The following ZNF385B variants were observed in gnomAD, a reference collection of about 807,000 sequenced individuals.
ZNF385B encodes zinc finger protein 533.
A neutral mutation model predicts 39.2 loss-of-function variants in ZNF385B; 23 were observed. The ratio of observed to expected loss-of-function variants is 0.59; its 90% confidence interval spans 0.42 to 0.83. The LOEUF (loss-of-function observed/expected upper bound fraction) is 0.83, where lower values mean the gene tolerates loss of function less well. ZNF385B is among the 40% of genes least tolerant of loss of function. The pLI, the probability that ZNF385B is intolerant of heterozygous loss-of-function variation, is 0.00. For synonymous variants in ZNF385B, 205 were observed against 222.6 expected, an observed-to-expected ratio of 0.92 and a Z score of 0.70; for missense variants, 552 against 598.9, an observed-to-expected ratio of 0.92 and a Z score of 0.82.
intron 3 of ZNF385B, among the ~76,000 whole-genome samples, chr2:179,734,679 A>G (rs76071253): frequency 3.4e-3 from 517 of 152,342 alleles, no homozygotes; most frequent in South Asian, 7.7e-3. Flanking sequence ...GACTCAAGAC[A>G]TAGACCCTAT....
chr2:179,493,845 AAGG>A lies in ZNF385B; in HGVS notation c.553-10414_553-10412del, dbSNP rs1212978081. Reference sequence around the variant, plus strand: ...TAGCAGAGGGAGAAAAACATTCTAAAAGGAGGAATGTAACACTAAGGGTCCATC... The same window carrying A: ...TAGCAGAGGGAGAAAAACATTCTAAAAGGAATGTAACACTAAGGGTCCATC... On this transcript the variant is annotated intron_variant, in intron 5 of 9. Coordinates refer to ENST00000410066, the MANE Select transcript of ZNF385B (RefSeq NM_152520.6). 1.8e-4 allele frequency among the ~76,000 whole-genome samples: 27 copies of A among 148,270 alleles called. 1 individual carries two copies. Among genetic ancestry groups the A allele is most frequent in the African/African-American group, 6.6e-4 (27 of 40,744 alleles).
At chr2:179,756,863 T>C (rs1017704707) in intron 3 of ZNF385B, among the ~76,000 whole-genome samples, 1 of 152,170 alleles carries the variant, frequency 6.6e-6, no homozygotes, top group African/African-American at 2.4e-5. Flanking sequence ...TAGCCATTTG[T>C]GTAATCTTTT....
intron 3 of ZNF385B, among the ~76,000 whole-genome samples, chr2:179,702,624 G>T (rs2106367421): frequency 6.6e-6 from 1 of 152,230 alleles, no homozygotes; most frequent in African/African-American, 2.4e-5. Flanking sequence ...AATGAGACTG[G>T]TTCCTGTAAG....
At chr2:179,834,515 T>C (rs1443405889) in intron 1 of ZNF385B, among the ~76,000 whole-genome samples, 1 of 152,166 alleles carries the variant, frequency 6.6e-6, no homozygotes, top group Admixed American at 6.5e-5. Flanking sequence ...ACTGAGTCCA[T>C]ACTGATATTT....
At chr2:179,855,899 T>G (rs1048378873) in intron 1 of ZNF385B, among the ~76,000 whole-genome samples, 3 of 152,208 alleles carry the variant, frequency 2.0e-5, no homozygotes, top group Non-Finnish European at 1.5e-5. Flanking sequence ...CCAAGGAAGT[T>G]AAGTAACCCC....
At chr2:179,578,392 G>A (rs367893556) in intron 3 of ZNF385B, among the ~76,000 whole-genome samples, 2 of 152,216 alleles carry the variant, frequency 1.3e-5, no homozygotes, top group East Asian at 3.9e-4. Context: ...TCTTAAAACT[G>A]TAACAATTAT....
chr2:179,853,020 C>T (rs184620045), intron 1 of ZNF385B, among the ~76,000 whole-genome samples: 11 of 152,250 alleles, frequency 7.2e-5, no homozygotes, highest in Admixed American at 7.2e-4. Flanking sequence ...TAGATTGACC[C>T]TTAAGAACCA....
At chr2:179,724,626 T>A (rs894531065) in intron 3 of ZNF385B, among the ~76,000 whole-genome samples, 2 of 152,210 alleles carry the variant, frequency 1.3e-5, no homozygotes, top group African/African-American at 4.8e-5. Context: ...AGTTACAATG[T>A]TACAAATCAT....
Position 179,683,346 on chromosome 2 carries a change from T to A in ZNF385B, c.298+86157A>T, listed in dbSNP as rs563626684. On this transcript the variant is annotated intron_variant, in intron 3 of 9. Coordinates refer to ENST00000410066, the MANE Select transcript of ZNF385B (RefSeq NM_152520.6). The stretch of plus-strand genomic sequence containing the variant: ...TGGAGGTTTCAGTGAGTCGAGATCA[T>A]GGCACTGCACTCCAGCCTGGGCAAC... Among the ~76,000 whole-genome samples the A allele has an allele frequency of 3.7e-4, 56 of 152,074 alleles. No homozygotes were observed. The South Asian group carries it at 0.011, about 30-fold the overall frequency.
intron 5 of ZNF385B, among the ~76,000 whole-genome samples, chr2:179,484,398 A>G (rs4894102): frequency 0.25 from 38,196 of 151,832 alleles, 5,369 homozygotes; most frequent in East Asian, 0.52. Flanking sequence ...TAAATGGTAT[A>G]TTAGCTTAGT....
chr2:179,717,756 A>T (rs1422536391), intron 3 of ZNF385B, among the ~76,000 whole-genome samples: 1 of 152,114 alleles, frequency 6.6e-6, no homozygotes, highest in Non-Finnish European at 1.5e-5. Flanking sequence ...AAACCTTCTC[A>T]TGATAGTTTC....
At chr2:179,657,421 T>G (rs1693912073) in intron 3 of ZNF385B, among the ~76,000 whole-genome samples, 5 of 152,222 alleles carry the variant, frequency 3.3e-5, no homozygotes, top group Admixed American at 2.0e-4. Flanking sequence ...GTGGCTCATT[T>G]TAACTAAGAT....
chr2:179,550,414 C>A (rs1454361127), intron 3 of ZNF385B, among the ~76,000 whole-genome samples: 2 of 149,444 alleles, frequency 1.3e-5, no homozygotes, highest in South Asian at 2.1e-4. Context: ...GGTTGGAATG[C>A]GCAATGATCC....
In ZNF385B at chr2:179,446,563, G is replaced by T; in HGVS notation, c.923C>A (p.Ala308Asp). Residue 308 changes from alanine (A) to aspartate (D), a missense_variant, in exon 7 of 10, where the codon GCT becomes GAT. Transcript: ENST00000410066. ...CTCTAGCTGTGACAGGGAGTTCACA[G>T]CCACTTTGCATAGTGAACAATAAAG... ...KLLYCSLCKV[A>D]VNSLSQLEAH... is the part of the protein sequence containing the mutation. 1 of 1,614,102 alleles carries T rather than the reference G, an allele frequency of 6.2e-7. No individual in the cohort carries two copies. Among genetic ancestry groups the T allele is most frequent in the East Asian group, 2.2e-5 (1 of 44,870 alleles).
At position 179,446,556 on chromosome 2, in the gene ZNF385B, G is replaced by A. The variant is rs13034477; in HGVS notation, c.930C>T (p.Asn310=). 64 of 1,613,946 alleles carry A rather than the reference G, an allele frequency of 4.0e-5. No individual in the cohort carries two copies. The South Asian group carries it at 6.4e-4, about 16-fold the overall frequency. ...TGTGTGCCTCTAGCTGTGACAGGGAGTTCACAGCCACTTTGCATAGTGAAC... is the reference window on the plus strand; with the variant it reads ...TGTGTGCCTCTAGCTGTGACAGGGAATTCACAGCCACTTTGCATAGTGAAC... ...LYCSLCKVAV[N]SLSQLEAHNT... is the part of the protein sequence containing the mutation. Residue 310 remains asparagine (N), a synonymous_variant, in exon 7 of 10, where the codon AAC becomes AAT. Coordinates refer to ENST00000410066, the MANE Select transcript of ZNF385B (RefSeq NM_152520.6).
intron 4 of ZNF385B, among the ~76,000 whole-genome samples, chr2:179,521,051 TTAG>T (rs1201298309): frequency 6.6e-6 from 1 of 151,028 alleles, no homozygotes. Context: ...TTTCAAGTTC[TTAG>T]TAGACTATTG....
chr2:179,648,649 A>C (rs1692952305), intron 3 of ZNF385B, among the ~76,000 whole-genome samples: 1 of 152,148 alleles, frequency 6.6e-6, no homozygotes, highest in African/African-American at 2.4e-5. Context: ...GGCTGGGATA[A>C]GGAAAGTACA....
At chr2:179,542,773 C>T (rs12991713) in intron 4 of ZNF385B, among the ~76,000 whole-genome samples, 10,342 of 152,070 alleles carry the variant, frequency 0.068, 450 homozygotes, top group Middle Eastern at 0.19. Context: ...AAAACTGTGA[C>T]TGGGTACCTT....
chr2:179,554,501 G>A (rs1369293888), intron 3 of ZNF385B, among the ~76,000 whole-genome samples: 1 of 148,868 alleles, frequency 6.7e-6, no homozygotes, highest in Non-Finnish European at 1.5e-5. Flanking sequence ...AGGGTTTCTG[G>A]ATTAAAAGGT....
Sources: gnomAD v4.1 joint callset for allele counts (sites outside exome capture counted in the v4.1 genomes callset) on GRCh38, gnomAD v4.1.1 for gene constraint, MANE v1.5 for transcripts, NCBI Gene and HGNC (gene_info 2026-07-23, HGNC 2026-07-21) for gene names.